The following ATE1 variants were observed in gnomAD, a reference collection of about 807,000 sequenced individuals.
ATE1 encodes the protein arginyltransferase 1.
Under a neutral mutation model 70.5 loss-of-function variants are expected in ATE1, and 36 were observed. That is an observed-to-expected ratio of 0.51 (90% CI 0.39 to 0.67). The LOEUF is 0.67. Ranked by LOEUF, ATE1 falls within the 30% of genes least tolerant of loss-of-function variation. The probability of loss-of-function intolerance (pLI) is 0.00; values close to 1 mark genes in which losing one functional copy is unlikely to be tolerated. For missense variants in ATE1, 593 were observed against 629.5 expected (o/e 0.94, Z 0.62); for synonymous variants, 232 against 219.3 (o/e 1.06, Z -0.51).
intron 8 of ATE1, among the ~76,000 whole-genome samples, chr10:121,845,065 T>TA (rs1487024821): frequency 6.6e-6 from 1 of 152,192 alleles, no homozygotes; most frequent in African/African-American, 2.4e-5. Flanking sequence ...ACTGCACACT[T>TA]AAGAGACTAC....
At chr10:121,760,721 A>T (rs1945004874) in intron 11 of ATE1, among the ~76,000 whole-genome samples, 1 of 152,246 alleles carries the variant, frequency 6.6e-6, no homozygotes, top group South Asian at 2.1e-4. Flanking sequence ...TTAGTTGATA[A>T]ATCAGCAGCA....
intron 11 of ATE1, among the ~76,000 whole-genome samples, chr10:121,763,707 A>G (rs1236247607): frequency 6.6e-6 from 1 of 152,160 alleles, no homozygotes; most frequent in Non-Finnish European, 1.5e-5. Flanking sequence ...AAACCCAGAG[A>G]ACGGACAACA....
At chr10:121,762,080 A>T (rs7893923) in intron 11 of ATE1, among the ~76,000 whole-genome samples, 1 of 152,098 alleles carries the variant, frequency 6.6e-6, no homozygotes, top group Non-Finnish European at 1.5e-5. Flanking sequence ...CTTGTTCTCA[A>T]ATAAAATGGA....
rs564383374 is a variant in ATE1 at position 121,914,341 on chromosome 10, G to A, written c.234-448C>T. On this transcript the variant is annotated intron_variant, in intron 3 of 11. Transcript: ENST00000224652. Reference sequence around the variant, plus strand: ...CGGCCTCCCAAAATGCTGGGATTACGTGCATGAGCCACCATTCCCAGCAAG... The same window carrying A: ...CGGCCTCCCAAAATGCTGGGATTACATGCATGAGCCACCATTCCCAGCAAG... Among the ~76,000 whole-genome samples, 14 of 151,482 alleles carry A rather than the reference G, an allele frequency of 9.2e-5. No individual in the cohort carries two copies. The East Asian group carries it at 9.7e-4, about 11-fold the overall frequency.
intron 8 of ATE1, among the ~76,000 whole-genome samples, chr10:121,855,627 T>A (rs1447417615): frequency 6.6e-6 from 1 of 152,192 alleles, no homozygotes; most frequent in Non-Finnish European, 1.5e-5. Context: ...CAGAGGGTAT[T>A]AATAAATTAC....
intron 11 of ATE1, among the ~76,000 whole-genome samples, chr10:121,767,785 T>C (rs997162735): frequency 1.3e-5 from 2 of 152,166 alleles, no homozygotes; most frequent in African/African-American, 2.4e-5. Flanking sequence ...TGTGCACTAC[T>C]GGTGGGAATG....
intron 10 of ATE1, among the ~76,000 whole-genome samples, chr10:121,813,980 A>G (rs1051161483): frequency 2.0e-5 from 3 of 152,240 alleles, no homozygotes; most frequent in African/African-American, 7.2e-5. Flanking sequence ...TCTCTTCAGC[A>G]GAGTCTATGG....
chr10:121,920,659 T>C (rs1259227857), intron 3 of ATE1, among the ~76,000 whole-genome samples: 1 of 152,092 alleles, frequency 6.6e-6, no homozygotes, highest in Admixed American at 6.6e-5. Flanking sequence ...AACGAAGACT[T>C]TGTAGGAAAA....
rs1276871575 is a variant in ATE1 at position 121,841,243 on chromosome 10, C to A, written c.996G>T (p.Gly332=). 1 of 1,527,812 alleles carries A rather than the reference C, an allele frequency of 6.5e-7. No homozygotes were observed. Among genetic ancestry groups the A allele is most frequent in the Non-Finnish European group, 8.8e-7 (1 of 1,130,588 alleles). 94.6% of individuals were successfully genotyped at this position (1,527,812 alleles called of 1,614,324 possible). The change falls in exon 9 of 12, where the codon GGG becomes GGT. Residue 332 remains glycine (G), a synonymous_variant. Transcript: ENST00000224652. ...GAAAGGAGCCATAGCCACAATCTGG[C>A]CCATTAGGGGGAGTCTCTGCCTAAG... ...SPLEAETPPN[G]PDCGYGSFHQ... is the part of the protein sequence containing the mutation.
chr10:121,764,591 G>C (rs966561537), intron 11 of ATE1, among the ~76,000 whole-genome samples: 4 of 151,980 alleles, frequency 2.6e-5, no homozygotes, highest in Non-Finnish European at 1.5e-5. Context: ...AATATTTTTG[G>C]TATGACTTAA....
intron 5 of ATE1, among the ~76,000 whole-genome samples, chr10:121,903,195 T>C (rs1293947821): frequency 1.3e-5 from 2 of 151,192 alleles, no homozygotes; most frequent in African/African-American, 4.9e-5. Flanking sequence ...GGCCCAAATA[T>C]CTTTTTTTAA....
rs369096905 is a variant in ATE1, at chr10:121,769,459, C to T, written c.1378+20710G>A. ...TGATGAGACTTTTTAGAAGAAAATA[C>T]AGGAGAAAAATATTTGAGAACTAGG... On this transcript the variant is annotated intron_variant, in intron 11 of 11. Coordinates refer to ENST00000224652, the MANE Select transcript of ATE1 (RefSeq NM_001001976.3). 1.2e-4 allele frequency among the ~76,000 whole-genome samples: 19 copies of T among 152,168 alleles called. No homozygotes were observed. In the South Asian group the frequency reaches 2.5e-3, roughly 20 times the overall value.
chr10:121,876,851 A>G (rs561719650), intron 7 of ATE1, among the ~76,000 whole-genome samples: 1 of 152,128 alleles, frequency 6.6e-6, no homozygotes, highest in South Asian at 2.1e-4. Context: ...CTGTAGTCCC[A>G]GCTACTCGGG....
chr10:121,854,410 T>C (rs1949168493), intron 8 of ATE1, among the ~76,000 whole-genome samples: 2 of 152,188 alleles, frequency 1.3e-5, no homozygotes, highest in Admixed American at 6.5e-5. Context: ...TTTATCTTTT[T>C]AAAAATTATA....
At chr10:121,808,368 G>GC in intron 10 of ATE1, among the ~76,000 whole-genome samples, 1 of 152,276 alleles carries the variant, frequency 6.6e-6, no homozygotes, top group East Asian at 1.9e-4. Flanking sequence ...GAAGTAGACA[G>GC]CAACAGCAGG....
chr10:121,900,123 A>G (rs1163861105), intron 6 of ATE1, 129 bp from the exon 7 acceptor site: 1 of 1,070,364 alleles, frequency 9.3e-7, no homozygotes, highest in African/African-American at 1.6e-5. Context: ...AAATATTTTA[A>G]TATTAAAAAC....
In ATE1 at chr10:121,851,135, TC is replaced by T. The variant is rs1223816580; in HGVS notation, c.976-9873del. Reference sequence around the variant, plus strand: ...AAAAAAAAAAAAAAGAATTTCAGTGTCCAGGCAGGGTGTGGTGGCTCACAGC... The same window carrying T: ...AAAAAAAAAAAAAAGAATTTCAGTGTCAGGCAGGGTGTGGTGGCTCACAGC... On this transcript the variant is annotated intron_variant, in intron 8 of 11. Transcript: ENST00000224652. Among the ~76,000 whole-genome samples the T allele has an allele frequency of 2.1e-3, 279 of 135,512 alleles. 2 individuals are homozygous for T. The highest frequency in any genetic ancestry group is 7.4e-3 in the African/African-American group (266 of 36,000). The allele number at this position is 135,512 out of a possible 152,430, so 88.9% of individuals were successfully genotyped here.
chr10:121,814,996 A>G (rs1157991200), intron 10 of ATE1, among the ~76,000 whole-genome samples: 1 of 152,240 alleles, frequency 6.6e-6, no homozygotes, highest in East Asian at 1.9e-4. Flanking sequence ...AGTGAAAGTA[A>G]TTCAATTCAT....
At chr10:121,928,248 A>T, upstream of ATE1, 1 of 1,403,268 alleles carries the variant, frequency 7.1e-7, no homozygotes, top group South Asian at 1.5e-5. Flanking sequence ...TCAAGAGGGG[A>T]AGGGAAGCGG....
Sources: allele counts gnomAD v4.1 joint callset (sites outside exome capture counted in the v4.1 genomes callset), GRCh38; gene constraint gnomAD v4.1.1; transcripts MANE v1.5; gene names NCBI Gene and HGNC (gene_info 2026-07-23, HGNC 2026-07-21).